Variants in HIVEP2 observed in about 807,000 individuals in gnomAD.
HIVEP2 encodes the protein transcription factor HIVEP2.
A neutral mutation model predicts 180.7 loss-of-function variants in HIVEP2; 14 were observed. The observed-to-expected ratio is 0.08, with a 90% CI of 0.05 to 0.12. The LOEUF (loss-of-function observed/expected upper bound fraction) is 0.12. Among genes scored for constraint, HIVEP2 ranks in the 10% least tolerant of loss-of-function variants. HIVEP2 has a pLI of 1.00. For missense variants in HIVEP2, 2,579 were observed against 3,008.5 expected (o/e 0.86, Z 3.34); for synonymous variants, 1,184 against 1,136.4 (o/e 1.04, Z -0.84).
chr6:142,896,707 A>T (rs1290189606), intron 1 of HIVEP2, among the ~76,000 whole-genome samples: 1 of 152,222 alleles, frequency 6.6e-6, no homozygotes, highest in Non-Finnish European at 1.5e-5. Context: ...CACAGTTTCT[A>T]CCCATAAACT....
intron 9 of HIVEP2, among the ~76,000 whole-genome samples, chr6:142,756,835 A>G (rs1449151810): frequency 6.7e-6 from 1 of 149,030 alleles, no homozygotes; most frequent in African/African-American, 2.5e-5. Flanking sequence ...CTATCTATCT[A>G]TCTATCCGTC....
At chr6:142,860,950 T>G (rs539723133) in intron 1 of HIVEP2, among the ~76,000 whole-genome samples, 1 of 152,206 alleles carries the variant, frequency 6.6e-6, no homozygotes, top group African/African-American at 2.4e-5. Context: ...CCTTATTTAA[T>G]GTTGGAAAAA....
At chr6:142,809,406 A>C (rs1344683588) in intron 2 of HIVEP2, among the ~76,000 whole-genome samples, 1 of 152,132 alleles carries the variant, frequency 6.6e-6, no homozygotes, top group East Asian at 1.9e-4. Context: ...ATACAGGCTG[A>C]GTGTGCTCCT....
At chr6:142,805,018 A>C (rs1362814406) in intron 2 of HIVEP2, among the ~76,000 whole-genome samples, 1 of 152,182 alleles carries the variant, frequency 6.6e-6, no homozygotes, top group Non-Finnish European at 1.5e-5. Flanking sequence ...ACACATAATC[A>C]ACAAGTTCCC....
At position 142,945,109 on chromosome 6, in the gene HIVEP2, G is replaced by A. The variant is rs1778290147; in HGVS notation, c.-651C>T. ...CCCCTCCCCCGCTACCTGACAACGG[G>A]CCGCCGCCGGCCGCCGCAGCCGCAG... On this transcript the variant is annotated 5_prime_UTR_variant, in exon 1 of 10. Transcript: ENST00000367603. This position sits in a 1 kb window ranked among gnomAD's most constrained non-coding sequence, Gnocchi z 5.5. The A allele has an allele frequency of 6.8e-6, 1 of 147,514 alleles. No individual in the cohort carries two copies. Among genetic ancestry groups the A allele is most frequent in the East Asian group, 2.0e-4 (1 of 5,080 alleles). The allele number at this position is 147,514 out of a possible 1,614,324, so 9.1% of individuals were successfully genotyped here. A position where few individuals can be genotyped will look rare whatever the true frequency, so the allele number is the denominator to read the frequency against.
chr6:142,927,869 T>C (rs1777854514), intron 1 of HIVEP2, among the ~76,000 whole-genome samples: 1 of 152,250 alleles, frequency 6.6e-6, no homozygotes, highest in South Asian at 2.1e-4. Context: ...GGCCATAAGG[T>C]ATTTTATGAT....
chr6:142,772,446 G>A lies in HIVEP2; in HGVS notation c.2293C>T (p.Leu765=), dbSNP rs1445447297. The A allele has an allele frequency of 1.9e-6, 3 of 1,614,236 alleles. No homozygotes were observed. The highest frequency in any genetic ancestry group is 2.2e-5 in the South Asian group (2 of 91,088). The change falls in exon 5 of 10, where the codon CTG becomes TTG. Residue 765 remains leucine (L), a synonymous_variant. Coordinates refer to ENST00000367603, the MANE Select transcript of HIVEP2 (RefSeq NM_006734.4). The surrounding 1 kb of genome is among the most constrained non-coding windows in gnomAD (Gnocchi z 4.9). ...TERFDPCRPQ[L]QPGSPSLVSE... ...ACAAGAGATGGACTTCCAGGCTGCA[G>A]TTGGGGCCGACATGGGTCAAAGCGT...
intron 1 of HIVEP2, among the ~76,000 whole-genome samples, chr6:142,861,072 G>A (rs182496161): frequency 1.6e-3 from 242 of 152,276 alleles, no homozygotes; most frequent in African/African-American, 5.6e-3. Flanking sequence ...ACATCAGATA[G>A]CAGAAACATC....
At chr6:142,763,234 T>C (rs7752204) in intron 7 of HIVEP2, among the ~76,000 whole-genome samples, 8,383 of 152,150 alleles carry the variant, frequency 0.055, 788 homozygotes, top group African/African-American at 0.19. Flanking sequence ...GCAGAAGTAA[T>C]GTATAAGGAC....
chr6:142,924,842 T>C (rs1328226656), intron 1 of HIVEP2, among the ~76,000 whole-genome samples: 2 of 152,230 alleles, frequency 1.3e-5, no homozygotes, highest in Non-Finnish European at 2.9e-5. Flanking sequence ...CTGGTGATTA[T>C]GAGATTCAAC....
intron 2 of HIVEP2, among the ~76,000 whole-genome samples, chr6:142,826,137 A>G (rs1209187657): frequency 6.6e-6 from 1 of 152,182 alleles, no homozygotes; most frequent in Admixed American, 6.5e-5. Context: ...TTTATTTTCA[A>G]TATCTGAAAA....
At chr6:142,945,213 GC>G (rs991215698), upstream of HIVEP2, 3 of 151,816 alleles carry the variant, frequency 2.0e-5, no homozygotes, top group South Asian at 2.1e-4. The surrounding 1 kb of genome is among the most constrained non-coding windows in gnomAD (Gnocchi z 5.5). Context: ...CTCCCGCGCG[GC>G]CCCCTCCCCC....
chr6:142,931,679 C>A (rs1013359080), intron 1 of HIVEP2, among the ~76,000 whole-genome samples: 3 of 152,124 alleles, frequency 2.0e-5, no homozygotes, highest in Non-Finnish European at 2.9e-5. Flanking sequence ...ATACTCCTTG[C>A]TACTTATAAA....
At chr6:142,764,592 C>G (rs1489179988) in intron 7 of HIVEP2, among the ~76,000 whole-genome samples, 1 of 152,214 alleles carries the variant, frequency 6.6e-6, no homozygotes, top group African/African-American at 2.4e-5. Context: ...CCTATGTCTA[C>G]TGCTCTTAAT....
intron 1 of HIVEP2, among the ~76,000 whole-genome samples, chr6:142,862,881 T>G (rs1776035197): frequency 8.1e-6 from 1 of 122,816 alleles, no homozygotes. Context: ...CTATTATATG[T>G]ATATATTGCA....
At chr6:142,845,972 A>G (rs1346087496) in intron 1 of HIVEP2, among the ~76,000 whole-genome samples, 2 of 152,242 alleles carry the variant, frequency 1.3e-5, no homozygotes, top group Non-Finnish European at 2.9e-5. Flanking sequence ...GACGATCACT[A>G]GGACTGTCAG....
chr6:142,809,303 T>C (rs1776631981), intron 2 of HIVEP2, among the ~76,000 whole-genome samples: 2 of 152,160 alleles, frequency 1.3e-5, no homozygotes, highest in African/African-American at 4.8e-5. Flanking sequence ...ATCTTTTCCC[T>C]GAAGCCTGAG....
chr6:142,938,975 A>ACTGAAT (rs1778114902), intron 1 of HIVEP2, among the ~76,000 whole-genome samples: 1 of 152,226 alleles, frequency 6.6e-6, no homozygotes, highest in Non-Finnish European at 1.5e-5. Flanking sequence ...CATTCCTTAT[A>ACTGAAT]CATGTATCCC....
chr6:142,865,435 GAA>G (rs5880552), intron 1 of HIVEP2, among the ~76,000 whole-genome samples: 5 of 146,520 alleles, frequency 3.4e-5, no homozygotes, highest in Admixed American at 6.8e-5. Context: ...AAACTGAGAA[GAA>G]AAAAAAAAAG....
Sources: gnomAD v4.1 joint callset for allele counts (sites outside exome capture counted in the v4.1 genomes callset) on GRCh38, gnomAD v4.1.1 for gene constraint, Gnocchi (gnomAD v3.1) non-coding constraint, MANE v1.5 for transcripts, NCBI Gene and HGNC (gene_info 2026-07-23, HGNC 2026-07-21) for gene names.